Variants in LCP1 observed in about 807,000 individuals in gnomAD.
The protein encoded by LCP1 is plastin-2.
LCP1 carries 23 observed loss-of-function variants against 72.0 expected under a neutral mutation model. The observed-to-expected ratio is 0.32, with a 90% CI of 0.23 to 0.45. The LOEUF (loss-of-function observed/expected upper bound fraction) is 0.45. Ranked by LOEUF, LCP1 falls within the 20% of genes least tolerant of loss-of-function variation. LCP1 has a pLI of 1.00. For missense variants in LCP1, 571 were observed against 748.3 expected, an observed-to-expected ratio of 0.76 and a Z score of 2.76; for synonymous variants, 245 against 275.4, an observed-to-expected ratio of 0.89 and a Z score of 1.09.
rs889321087 is a variant in LCP1, at chr13:46,127,665, G to C, written c.1810C>G (p.Leu604Val). The stretch of plus-strand genomic sequence containing the variant: ...ACCATTTTGGGGTTCACTTCAACCA[G>C]GTCTTCTGGCAGGGCATACACTCTT... ...GARVYALPEDLVEVNPKMVMT... is the reference protein window; with the variant it reads ...GARVYALPEDVVEVNPKMVMT... The change falls in exon 16 of 16, where the codon CTG (leucine) becomes GTG (valine). Residue 604 changes from leucine to valine, a missense_variant. Transcript: ENST00000323076. 1 of 1,614,046 alleles carries C rather than the reference G, an allele frequency of 6.2e-7. No individual in the cohort carries two copies. Among genetic ancestry groups the C allele is most frequent in the Admixed American group, 1.7e-5 (1 of 59,986 alleles).
intron 4 of LCP1, among the ~76,000 whole-genome samples, chr13:46,157,804 T>C (rs1490078243): frequency 1.4e-5 from 2 of 144,246 alleles, no homozygotes; most frequent in East Asian, 2.1e-4. Context: ...TGGAGTGCAA[T>C]GGTGCAATCT....
At chr13:46,140,604 G>A (rs2045691512) in intron 13 of LCP1, among the ~76,000 whole-genome samples, 1 of 152,038 alleles carries the variant, frequency 6.6e-6, no homozygotes, top group South Asian at 2.1e-4. Context: ...CATGATATTT[G>A]ACATATAATT....
At chr13:46,144,370 G>T in intron 11 of LCP1, 72 bp downstream of exon 11, 1 of 1,138,398 alleles carries the variant, frequency 8.8e-7, no homozygotes, top group Non-Finnish European at 1.3e-6. Context: ...GCACATCATA[G>T]TGGTATTTGG....
intron 4 of LCP1, among the ~76,000 whole-genome samples, chr13:46,157,786 C>T (rs1299247494): frequency 8.6e-6 from 1 of 116,396 alleles, no homozygotes; most frequent in Non-Finnish European, 1.6e-5. Context: ...CTTGTTCTGT[C>T]GCCAGGCTGG....
At position 46,147,103 on chromosome 13, in the gene LCP1, C is replaced by A; in HGVS notation, c.979G>T (p.Glu327Ter). 6.3e-7 allele frequency: 1 copy of A among 1,576,346 alleles called. No homozygotes were observed. Among genetic ancestry groups the A allele is most frequent in the Non-Finnish European group, 8.6e-7 (1 of 1,163,772 alleles). ...AVVIDMSGLR[E>*]KDDIQRAECM... ...TCTGCCCTCTGGATGTCATCCTTCT[C>A]CTGCAATGCAAAAGGATGTCTCAGG... Residue 327 changes from glutamate to a stop codon, truncating the protein, a stop_gained and splice_region_variant, in exon 10 of 16, where the codon GAG (glutamate) becomes TAG (stop). Transcript: ENST00000323076. LOFTEE classifies it high-confidence loss of function.
intron 13 of LCP1, among the ~76,000 whole-genome samples, chr13:46,141,832 C>A (rs1048927175): frequency 3.3e-5 from 5 of 151,850 alleles, no homozygotes; most frequent in African/African-American, 9.7e-5. Flanking sequence ...ATAATTTCCC[C>A]TTTATTTAAA....
intron 1 of LCP1, among the ~76,000 whole-genome samples, chr13:46,162,513 G>T (rs1593959464): frequency 6.6e-6 from 1 of 152,048 alleles, no homozygotes. Flanking sequence ...TGTTGGCCGG[G>T]CTGGTCTCCA....
intron 1 of LCP1, among the ~76,000 whole-genome samples, chr13:46,163,165 G>T (rs7993850): frequency 0.29 from 44,520 of 152,096 alleles, 7,951 homozygotes; most frequent in African/African-American, 0.49. Flanking sequence ...GAACGGGCCA[G>T]GATGACAATG....
intron 1 of LCP1, 139 bp downstream of exon 1, chr13:46,181,972 A>C (rs1221708813): frequency 1.3e-5 from 2 of 152,230 alleles, no homozygotes; most frequent in Non-Finnish European, 2.9e-5. Context: ...CCAGTTAGAC[A>C]GTGGCAGGAA....
chr13:46,128,334 C>T (rs1003231151), intron 15 of LCP1, among the ~76,000 whole-genome samples: 1 of 152,158 alleles, frequency 6.6e-6, no homozygotes, highest in Non-Finnish European at 1.5e-5. Flanking sequence ...CGCGGTGGCT[C>T]ACGCCTGTAA....
intron 5 of LCP1, among the ~76,000 whole-genome samples, chr13:46,155,109 C>A (rs1044839729): frequency 6.6e-6 from 1 of 152,140 alleles, no homozygotes. Context: ...GAAATGAGGA[C>A]CCCACTTCAT....
In LCP1 at chr13:46,126,473, A is replaced by G; in HGVS notation, c.*1118T>C. On this transcript the variant is annotated 3_prime_UTR_variant, in exon 16 of 16. Coordinates refer to ENST00000323076, the MANE Select transcript of LCP1 (RefSeq NM_002298.5). ...TTGACAGCTGGCTAGGTGTGTGTGT[A>G]TGTGAGTAGGGGTGCTATTGATTGG... is the stretch of plus-strand genomic sequence containing the variant. 2 of 232,548 alleles carry G rather than the reference A, an allele frequency of 8.6e-6. No homozygotes were observed. Among genetic ancestry groups the G allele is most frequent in the Non-Finnish European group, 1.7e-5 (2 of 117,314 alleles). The allele number at this position is 232,548 out of a possible 1,614,324, so 14.4% of individuals were successfully genotyped here.
At position 46,143,389 on chromosome 13, in the gene LCP1, G is replaced by A. The variant is rs1228886003; in HGVS notation, c.1269C>T (p.Ala423=). ...TTTCATAGAGCTGGAAGATGACCAGGGCATCTGATAAGTCACTGAACAAAA... is the reference window on the plus strand; with the variant it reads ...TTTCATAGAGCTGGAAGATGACCAGAGCATCTGATAAGTCACTGAACAAAA... ...VNHLYSDLSD[A]LVIFQLYEKI... is the part of the protein sequence containing the mutation. Residue 423 remains alanine, a synonymous_variant, in exon 12 of 16, where the codon GCC becomes GCT. Transcript: ENST00000323076. 1 of 1,613,218 alleles carries A rather than the reference G, an allele frequency of 6.2e-7. No individual in the cohort carries two copies. The highest frequency in any genetic ancestry group is 8.5e-7 in the Non-Finnish European group (1 of 1,179,256).
At chr13:46,178,724 G>A (rs1365556332) in intron 1 of LCP1, among the ~76,000 whole-genome samples, 2 of 151,950 alleles carry the variant, frequency 1.3e-5, no homozygotes, top group African/African-American at 2.4e-5. Context: ...TGTAAGTTGG[G>A]AAACTAGCAG....
chr13:46,178,388 G>T (rs1319691968), intron 1 of LCP1, among the ~76,000 whole-genome samples: 1 of 152,130 alleles, frequency 6.6e-6, no homozygotes, highest in Non-Finnish European at 1.5e-5. Flanking sequence ...AATAGTATAA[G>T]GCAGGAAGTT....
chr13:46,158,368 T>C (rs2045816385), intron 4 of LCP1, among the ~76,000 whole-genome samples, 154 bp downstream of exon 4: 1 of 152,236 alleles, frequency 6.6e-6, no homozygotes, highest in Admixed American at 6.5e-5. Context: ...TCCTATATTA[T>C]GTACCCAGAA....
rs754599067 is a variant in LCP1, at chr13:46,134,232, G to C, written c.1521C>G (p.Leu507=). The change falls in exon 14 of 16, where the codon CTC becomes CTG. Residue 507 remains leucine, a synonymous_variant. Transcript: ENST00000323076. ...CCTTCTGGCCACCACCAATTTCTTC[G>C]AGGATATTCAGTGTATACCTGAACA... The part of the protein sequence containing the change: ...QLMRRYTLNI[L]EEIGGGQKVN... 2 of 1,613,420 alleles carry C rather than the reference G, an allele frequency of 1.2e-6. No homozygotes were observed. Among genetic ancestry groups the C allele is most frequent in the Non-Finnish European group, 1.7e-6 (2 of 1,179,634 alleles).
At chr13:46,176,324 G>A (rs557234383) in intron 1 of LCP1, among the ~76,000 whole-genome samples, 29 of 152,010 alleles carry the variant, frequency 1.9e-4, no homozygotes, top group East Asian at 1.2e-3. Context: ...AATACATACC[G>A]TTATATGTCA....
intron 15 of LCP1, among the ~76,000 whole-genome samples, chr13:46,128,425 C>T (rs1045230572): frequency 9.9e-5 from 15 of 152,102 alleles, no homozygotes; most frequent in South Asian, 4.1e-4. Context: ...GGTGAAACCC[C>T]ATCTCTACTA....
Sources: allele counts gnomAD v4.1 joint callset (sites outside exome capture counted in the v4.1 genomes callset), GRCh38; gene constraint gnomAD v4.1.1; transcripts MANE v1.5; gene names NCBI Gene and HGNC (gene_info 2026-07-23, HGNC 2026-07-21).